TBCK: variants seen among roughly 807,000 people sequenced by gnomAD.
TBCK encodes the protein TBC1 domain containing kinase.
In TBCK, 99 loss-of-function variants were observed where a neutral mutation model predicts 113.4. The observed-to-expected ratio is 0.87, with a 90% CI of 0.74 to 1.03. The LOEUF (loss-of-function observed/expected upper bound fraction) is 1.03. TBCK is among the 50% of genes least tolerant of loss of function. The probability of loss-of-function intolerance (pLI) is 0.00; values close to 1 mark genes in which losing one functional copy is unlikely to be tolerated. For missense variants in TBCK, 1,045 were observed against 1,061.3 expected (o/e 0.98, Z 0.21); for synonymous variants, 369 against 370.8 (o/e 1.00, Z 0.05).
intron 22 of TBCK, among the ~76,000 whole-genome samples, chr4:106,181,818 T>C (rs1449176144): frequency 1.3e-5 from 2 of 152,194 alleles, no homozygotes; most frequent in African/African-American, 4.8e-5. Context: ...TCCAGCTTTG[T>C]TCTTCTTGCC....
chr4:106,084,589 C>T (rs1739283757), intron 25 of TBCK, among the ~76,000 whole-genome samples: 1 of 152,064 alleles, frequency 6.6e-6, no homozygotes, highest in South Asian at 2.1e-4. Context: ...ACAGAGAACA[C>T]CACCGTTAAG....
chr4:106,109,416 C>T (rs1742561001), intron 24 of TBCK, among the ~76,000 whole-genome samples: 1 of 152,080 alleles, frequency 6.6e-6, no homozygotes, highest in African/African-American at 2.4e-5. Flanking sequence ...GGCAGTAGTA[C>T]AGAAACAGGC....
At chr4:106,313,319 C>T (rs1012704027) in intron 1 of TBCK, among the ~76,000 whole-genome samples, 8 of 151,066 alleles carry the variant, frequency 5.3e-5, no homozygotes, top group Non-Finnish European at 7.4e-5. Flanking sequence ...GGGAGGATCA[C>T]GTGAGGTCAG....
chr4:106,171,788 A>G (rs1408999007), intron 22 of TBCK, among the ~76,000 whole-genome samples: 1 of 152,074 alleles, frequency 6.6e-6, no homozygotes, highest in Admixed American at 6.6e-5. Flanking sequence ...ATATAAAATT[A>G]TCAGAAAAAA....
intron 24 of TBCK, among the ~76,000 whole-genome samples, chr4:106,106,672 G>A (rs1050017440): frequency 1.3e-5 from 2 of 152,144 alleles, no homozygotes; most frequent in African/African-American, 4.8e-5. Context: ...ATCACTACCA[G>A]TGAATACAAA....
At chr4:106,288,504 T>A (rs1424762820) in intron 3 of TBCK, among the ~76,000 whole-genome samples, 1 of 152,224 alleles carries the variant, frequency 6.6e-6, no homozygotes, top group Non-Finnish European at 1.5e-5. Context: ...ATAGGTAATA[T>A]CTGATCAAGA....
chr4:106,068,462 T>C (rs1489851035), intron 25 of TBCK, among the ~76,000 whole-genome samples: 2 of 152,198 alleles, frequency 1.3e-5, no homozygotes, highest in African/African-American at 4.8e-5. Flanking sequence ...TCTATGTCCC[T>C]AGAGAAGACA....
At chr4:106,277,477 A>G (rs1764152501) in intron 3 of TBCK, among the ~76,000 whole-genome samples, 1 of 152,174 alleles carries the variant, frequency 6.6e-6, no homozygotes, top group African/African-American at 2.4e-5. Context: ...AAAAACAAAT[A>G]TATTTATAAA....
chr4:106,297,847 G>A (rs1224521154), intron 2 of TBCK: 1 of 152,122 alleles, frequency 6.6e-6, no homozygotes, highest in African/African-American at 2.4e-5. Flanking sequence ...ACCTCTCTAT[G>A]CCAGATTTTT....
chr4:106,257,473 A>T (rs1762114506), intron 5 of TBCK, among the ~76,000 whole-genome samples: 1 of 152,146 alleles, frequency 6.6e-6, no homozygotes, highest in African/African-American at 2.4e-5. Context: ...TCTTATTTAC[A>T]TTCAAAATAC....
At chr4:106,282,835 CAAGA>C (rs1390052964) in intron 3 of TBCK, among the ~76,000 whole-genome samples, 1 of 152,036 alleles carries the variant, frequency 6.6e-6, no homozygotes, top group African/African-American at 2.4e-5. Context: ...AAACACATGA[CAAGA>C]AATGTAGATG....
At chr4:106,224,379 G>C (rs987246957) in intron 19 of TBCK, among the ~76,000 whole-genome samples, 2 of 151,794 alleles carry the variant, frequency 1.3e-5, no homozygotes, top group East Asian at 1.9e-4. Flanking sequence ...TTCCGGAAAG[G>C]CAATTCAAAG....
chr4:106,159,388 A>C (rs752701061), intron 23 of TBCK, among the ~76,000 whole-genome samples: 1 of 152,112 alleles, frequency 6.6e-6, no homozygotes, highest in Non-Finnish European at 1.5e-5. Flanking sequence ...AAATACCCTA[A>C]ACATTACACA....
intron 3 of TBCK, among the ~76,000 whole-genome samples, chr4:106,286,951 T>C (rs999006654): frequency 1.3e-5 from 2 of 152,034 alleles, no homozygotes; most frequent in African/African-American, 4.8e-5. Flanking sequence ...AACGGAAATT[T>C]ATCTTTTGAA....
chr4:106,198,829 G>A (rs2149833108), intron 20 of TBCK, among the ~76,000 whole-genome samples: 1 of 152,092 alleles, frequency 6.6e-6, no homozygotes, highest in South Asian at 2.1e-4. Context: ...TCAGACATAC[G>A]AACAGATACC....
intron 21 of TBCK, 62 bp downstream of exon 21, chr4:106,194,656 G>C (rs941097179): frequency 8.1e-7 from 1 of 1,227,630 alleles, no homozygotes; most frequent in South Asian, 1.3e-5. Context: ...AAAATATGGG[G>C]AGGCATCGGG....
At chr4:106,242,609 C>T in intron 11 of TBCK, 40 bp from the exon 12 acceptor site, 1 of 1,406,512 alleles carries the variant, frequency 7.1e-7, no homozygotes. Context: ...ACACAAAATC[C>T]AGTTTATTGT....
At chr4:106,073,695 T>A (rs1033475098) in intron 25 of TBCK, among the ~76,000 whole-genome samples, 1 of 152,230 alleles carries the variant, frequency 6.6e-6, no homozygotes, top group Non-Finnish European at 1.5e-5. Flanking sequence ...TGATGCCTTT[T>A]GTTCAGCTGT....
intron 1 of TBCK, chr4:106,310,637 C>T (rs1416619586): frequency 6.6e-6 from 1 of 152,166 alleles, no homozygotes; most frequent in African/African-American, 2.4e-5. Flanking sequence ...AGGACCCCAG[C>T]TAAGATTTGG....
Sources: gnomAD v4.1 joint callset for allele counts (sites outside exome capture counted in the v4.1 genomes callset) on GRCh38, gnomAD v4.1.1 for gene constraint, MANE v1.5 for transcripts, NCBI Gene and HGNC (gene_info 2026-07-23, HGNC 2026-07-21) for gene names.